Variants in GABRR1 observed in about 807,000 individuals in gnomAD.
GABRR1 encodes the protein gamma-aminobutyric acid type A receptor subunit rho1, also known as gamma-aminobutyric acid receptor subunit rho-1.
In GABRR1, 59 loss-of-function variants were observed where a neutral mutation model predicts 55.5. The ratio of observed to expected loss-of-function variants is 1.06; its 90% confidence interval spans 0.86 to 1.32. GABRR1 has a LOEUF of 1.32. Ranked by LOEUF, GABRR1 falls within the 40% of genes most tolerant of loss-of-function variation. The pLI, the probability that GABRR1 is intolerant of heterozygous loss-of-function variation, is 0.00. For synonymous variants in GABRR1, 213 were observed against 226.0 expected, an observed-to-expected ratio of 0.94 and a Z score of 0.51; for missense variants, 602 against 619.1, an observed-to-expected ratio of 0.97 and a Z score of 0.29.
At chr6:89,224,191 C>T (rs1489354433) in intron 1 of GABRR1, among the ~76,000 whole-genome samples, 3 of 152,164 alleles carry the variant, frequency 2.0e-5, no homozygotes, top group South Asian at 2.1e-4. Context: ...TGAGTTCAAG[C>T]GATTCTCCTA....
At chr6:89,222,048 G>A (rs1335329757), upstream of GABRR1, among the ~76,000 whole-genome samples, 1 of 152,142 alleles carries the variant, frequency 6.6e-6, no homozygotes, top group Non-Finnish European at 1.5e-5. Flanking sequence ...TTGTGTACCT[G>A]GTTAAAGTTG....
rs538470381 is a variant in GABRR1, at chr6:89,199,403, C to T, written c.307G>A (p.Val103Met). 1.9e-6 allele frequency: 3 copies of T among 1,613,938 alleles called. No individual in the cohort carries two copies. Among genetic ancestry groups the T allele is most frequent in the East Asian group, 2.2e-5 (1 of 44,882 alleles). ...ATGCTATCCAAACTCTCCACCTGCACATCCACACCAACAGGAATGGCAGGG... is the reference window on the plus strand; with the variant it reads ...ATGCTATCCAAACTCTCCACCTGCATATCCACACCAACAGGAATGGCAGGG... ...GGPAIPVGVD[V>M]QVESLDSISE... The change falls in exon 4 of 10, where the codon GTG (valine) becomes ATG (methionine). Residue 103 changes from valine to methionine, a missense_variant. This residue lies in a region of GABRR1 where 435 missense variants were observed against 424.2 expected (regional missense o/e 1.03). Coordinates refer to ENST00000454853, the MANE Select transcript of GABRR1 (RefSeq NM_002042.5).
At chr6:89,185,548 T>G in intron 6 of GABRR1, 98 bp from the exon 7 acceptor site, 1 of 1,002,688 alleles carries the variant, frequency 1.0e-6, no homozygotes, top group Non-Finnish European at 1.5e-6. Context: ...CCACACTGAC[T>G]ACTGGGATTG....
Position 89,198,111 on chromosome 6 carries a change from C to G in GABRR1, c.481G>C (p.Val161Leu). ...KKIWVPDMFF[V>L]HSKRSFIHDT... ...TGGATGAAGGAGCGTTTGGAGTGCA[C>G]GAAAAACATGTCAGGGACCCAGATC... The change falls in exon 5 of 10, where the codon GTG (valine) becomes CTG (leucine). Residue 161 changes from valine (V) to leucine (L), a missense_variant. Val to Leu is a conservative substitution (Grantham distance 32). This residue lies in a region of GABRR1 where 435 missense variants were observed against 424.2 expected (regional missense o/e 1.03). Transcript: ENST00000454853. 6.2e-7 allele frequency: 1 copy of G among 1,613,974 alleles called. No individual in the cohort carries two copies. Among genetic ancestry groups the G allele is most frequent in the Non-Finnish European group, 8.5e-7 (1 of 1,180,010 alleles).
chr6:89,196,969 G>T (rs676139), intron 5 of GABRR1, among the ~76,000 whole-genome samples: 88,255 of 151,074 alleles, frequency 0.58, 26,357 homozygotes, highest in East Asian at 0.93. Flanking sequence ...TTGGGGAAGG[G>T]GTTGCACATC....
chr6:89,220,021 T>C (rs980340596), upstream of GABRR1, among the ~76,000 whole-genome samples: 1 of 152,222 alleles, frequency 6.6e-6, no homozygotes, highest in African/African-American at 2.4e-5. Flanking sequence ...GGTTGGATAC[T>C]TAAGTTGTAG....
intron 6 of GABRR1, among the ~76,000 whole-genome samples, chr6:89,187,529 A>G (rs1302427918): frequency 1.3e-5 from 2 of 152,160 alleles, no homozygotes; most frequent in African/African-American, 2.4e-5. Context: ...CATAAACACA[A>G]CCAGTATGAT....
chr6:89,183,516 A>G (rs1441205194), intron 7 of GABRR1, among the ~76,000 whole-genome samples: 2 of 152,194 alleles, frequency 1.3e-5, no homozygotes, highest in South Asian at 2.1e-4. Flanking sequence ...TAGAAACTGC[A>G]TGAAGATTTG....
chr6:89,210,285 C>T lies in GABRR1; in HGVS notation c.123-6800G>A, dbSNP rs186714125. Among the ~76,000 whole-genome samples the T allele has an allele frequency of 3.3e-5, 5 of 150,456 alleles. No individual in the cohort carries two copies. In the East Asian group the frequency reaches 9.8e-4, roughly 29 times the overall value. ...CTCAGCTCACTGCAGCCTCGACCTC[C>T]CAGGCTCAAGTGATCCTCCCACCTC... On this transcript the variant is annotated intron_variant, in intron 1 of 9. Coordinates refer to ENST00000454853, the MANE Select transcript of GABRR1 (RefSeq NM_002042.5).
At position 89,185,321 on chromosome 6, in the gene GABRR1, T is replaced by C. The variant is rs1771867615; in HGVS notation, c.785A>G (p.Tyr262Cys). 6.2e-7 allele frequency: 1 copy of C among 1,613,980 alleles called. No individual in the cohort carries two copies. The highest frequency in any genetic ancestry group is 8.5e-7 in the Non-Finnish European group (1 of 1,179,864). The change falls in exon 7 of 10, where the codon TAC (tyrosine) becomes TGC (cysteine). Residue 262 changes from tyrosine (Y) to cysteine (C), a missense_variant. This residue lies in a region of GABRR1 where 435 missense variants were observed against 424.2 expected (regional missense o/e 1.03). Transcript: ENST00000454853. ...CACTCTACACTTACCTGTGCTGCTG[T>C]AGAAAGCCAGTTTGGTGGTGGTGTG... ...EFHTTTKLAFYSSTGWYNRLY... is the reference protein window; with the variant it reads ...EFHTTTKLAFCSSTGWYNRLY...
intron 5 of GABRR1, among the ~76,000 whole-genome samples, chr6:89,193,301 T>C (rs1435496633): frequency 1.3e-5 from 2 of 152,192 alleles, no homozygotes; most frequent in African/African-American, 4.8e-5. Flanking sequence ...GTAAATTGGA[T>C]GTATTTTAGG....
In GABRR1 at chr6:89,184,589, C is replaced by T. The variant is rs77060628; in HGVS notation, c.796+721G>A. Among the ~76,000 whole-genome samples the T allele has an allele frequency of 5.3e-5, 8 of 152,252 alleles. No homozygotes were observed. In the East Asian group the frequency reaches 1.2e-3, roughly 22 times the overall value. The stretch of plus-strand genomic sequence containing the variant: ...ACTGGTCAAGAGTGGAGCGACCCCA[C>T]GGGGCTGGCTGGAGCAGGGAGAACG... On this transcript the variant is annotated intron_variant, in intron 7 of 9. Transcript: ENST00000454853.
At chr6:89,209,847 T>G (rs1772769043) in intron 1 of GABRR1, among the ~76,000 whole-genome samples, 1 of 152,062 alleles carries the variant, frequency 6.6e-6, no homozygotes, top group Non-Finnish European at 1.5e-5. Flanking sequence ...TCCTATAAGA[T>G]GGGGGGAATA....
chr6:89,181,862 A>G, intron 8 of GABRR1, 43 bp downstream of exon 8: 1 of 1,541,394 alleles, frequency 6.5e-7, no homozygotes, highest in East Asian at 2.3e-5. Flanking sequence ...GTTAATACCT[A>G]TATTTGCAGA....
Position 89,185,452 on chromosome 6 carries a change from T to G in GABRR1, c.656-2A>C. The stretch of plus-strand genomic sequence containing the variant: ...TGAGGTCATCTTCTGTATAGGCATC[T>G]GAAAAGACAGGGGCCAGCATCAGAC... On this transcript the variant is annotated splice_acceptor_variant, in intron 6 of 9. Transcript: ENST00000454853. LOFTEE classifies it high-confidence loss of function. The G allele has an allele frequency of 6.2e-7, 1 of 1,613,196 alleles. No homozygotes were observed. The highest frequency in any genetic ancestry group is 8.5e-7 in the Non-Finnish European group (1 of 1,179,236).
chr6:89,206,008 C>T (rs1772629682), intron 1 of GABRR1, among the ~76,000 whole-genome samples: 1 of 151,860 alleles, frequency 6.6e-6, no homozygotes, highest in South Asian at 2.1e-4. Flanking sequence ...GCATAAAGGC[C>T]ACGAAAGGCC....
intron 7 of GABRR1, among the ~76,000 whole-genome samples, chr6:89,183,978 G>A (rs1280676539): frequency 6.6e-6 from 1 of 152,152 alleles, no homozygotes; most frequent in Non-Finnish European, 1.5e-5. Flanking sequence ...AGTGGTTCAT[G>A]CCTGTAATCC....
intron 5 of GABRR1, among the ~76,000 whole-genome samples, chr6:89,197,513 G>T (rs1177682315): frequency 6.6e-6 from 1 of 152,224 alleles, no homozygotes. Flanking sequence ...CTGGTGAGAA[G>T]ATTTTATTCA....
chr6:89,196,826 A>G (rs9362628), intron 5 of GABRR1, among the ~76,000 whole-genome samples: 986 of 65,676 alleles, frequency 0.015, 14 homozygotes, highest in Middle Eastern at 0.034. Flanking sequence ...AAAGAAGGAA[A>G]GAAAGAAAGA....
Sources: gnomAD v4.1 joint callset for allele counts (sites outside exome capture counted in the v4.1 genomes callset) on GRCh38, gnomAD v4.1.1 for gene constraint, gnomAD v4.1.1 regional missense constraint, MANE v1.5 for transcripts, NCBI Gene and HGNC (gene_info 2026-07-23, HGNC 2026-07-21) for gene names.